DCP1A: variants seen among roughly 807,000 people sequenced by gnomAD.
The protein encoded by DCP1A is mRNA-decapping enzyme 1A.
In DCP1A, 20 loss-of-function variants were observed where a neutral mutation model predicts 58.0. The observed-to-expected ratio is 0.34, with a 90% confidence interval of 0.24 to 0.50. The LOEUF (loss-of-function observed/expected upper bound fraction) is 0.50, where lower values mean the gene tolerates loss of function less well. Ranked by LOEUF, DCP1A falls within the 20% of genes least tolerant of loss-of-function variation. The probability of loss-of-function intolerance (pLI) is 0.98; values close to 1 mark genes in which losing one functional copy is unlikely to be tolerated. For synonymous variants in DCP1A, 285 were observed against 275.1 expected (o/e 1.04, Z -0.36); for missense variants, 613 against 712.2 (o/e 0.86, Z 1.59).
At chr3:53,337,332 C>G (rs2089134270) in intron 3 of DCP1A, among the ~76,000 whole-genome samples, 1 of 152,154 alleles carries the variant, frequency 6.6e-6, no homozygotes, top group South Asian at 2.1e-4. Flanking sequence ...ATATCACAGG[C>G]CTGTGTTATA....
At chr3:53,338,718 G>A (rs554145056) in intron 3 of DCP1A, among the ~76,000 whole-genome samples, 69 of 151,760 alleles carry the variant, frequency 4.5e-4, no homozygotes, top group Middle Eastern at 6.8e-3. Flanking sequence ...AAAATTAGCC[G>A]GGCGTGGTGG....
intron 3 of DCP1A, among the ~76,000 whole-genome samples, chr3:53,337,421 T>C (rs2089135581): frequency 6.6e-6 from 1 of 152,220 alleles, no homozygotes; most frequent in African/African-American, 2.4e-5. Flanking sequence ...TTGTTGAGTC[T>C]AGAATGGAGA....
At chr3:53,305,037 C>T (rs903862677) in intron 5 of DCP1A, among the ~76,000 whole-genome samples, 2 of 152,084 alleles carry the variant, frequency 1.3e-5, no homozygotes, top group Non-Finnish European at 2.9e-5. Context: ...CAGTCATGCC[C>T]TCCCTCCACT....
At chr3:53,309,656 T>C (rs550055559) in intron 5 of DCP1A, among the ~76,000 whole-genome samples, 7 of 152,176 alleles carry the variant, frequency 4.6e-5, no homozygotes, top group African/African-American at 9.6e-5. Flanking sequence ...TCGTGGCTAA[T>C]TGGGAGGCTA....
At chr3:53,289,215 C>A (rs1249371730) in intron 8 of DCP1A, among the ~76,000 whole-genome samples, 1 of 151,094 alleles carries the variant, frequency 6.6e-6, no homozygotes, top group Non-Finnish European at 1.5e-5. Context: ...CCCACCTAGG[C>A]CTCCCAAAGT....
At chr3:53,331,197 T>C (rs2088993096) in intron 3 of DCP1A, among the ~76,000 whole-genome samples, 1 of 152,168 alleles carries the variant, frequency 6.6e-6, no homozygotes, top group African/African-American at 2.4e-5. Context: ...AAGAAAATCA[T>C]TAAATGCCAG....
intron 3 of DCP1A, among the ~76,000 whole-genome samples, chr3:53,322,171 G>A (rs1488628619): frequency 1.3e-5 from 2 of 152,018 alleles, no homozygotes; most frequent in African/African-American, 2.4e-5. Flanking sequence ...TTTCCTTCTC[G>A]GCTGGGCACG....
Position 53,287,537 on chromosome 3 carries a change from T to C in DCP1A, c.*43A>G. Reference sequence around the variant, plus strand: ...AAGTTTCCATGATGAAGCCTATTTGTCTCTGAGGCTGGGGCTCTGCCTTTA... The same window carrying C: ...AAGTTTCCATGATGAAGCCTATTTGCCTCTGAGGCTGGGGCTCTGCCTTTA... On this transcript the variant is annotated 3_prime_UTR_variant, in exon 10 of 10. Transcript: ENST00000610213. The C allele has an allele frequency of 7.3e-7, 1 of 1,367,348 alleles. No homozygotes were observed. Among genetic ancestry groups the C allele is most frequent in the Non-Finnish European group, 1.0e-6 (1 of 957,382 alleles). 84.7% of individuals were successfully genotyped at this position (1,367,348 alleles called of 1,614,324 possible).
rs1399139325 is a variant in DCP1A, at chr3:53,320,397, T to G, written c.305-924A>C. 5.3e-5 allele frequency among the ~76,000 whole-genome samples: 8 copies of G among 152,024 alleles called. No homozygotes were observed. In the East Asian group the frequency reaches 1.5e-3, roughly 29 times the overall value. Reference sequence around the variant, plus strand: ...TTTTGGATAAGGTAGAGTAGAATACTGAACATACAAGCTGAAACAGACACA... The same window carrying G: ...TTTTGGATAAGGTAGAGTAGAATACGGAACATACAAGCTGAAACAGACACA... On this transcript the variant is annotated intron_variant, in intron 3 of 9. Coordinates refer to ENST00000610213, the MANE Select transcript of DCP1A (RefSeq NM_018403.7).
At chr3:53,290,579 C>T in intron 8 of DCP1A, 3 of 649,524 alleles carry the variant, frequency 4.6e-6, no homozygotes, top group Non-Finnish European at 8.2e-6. Context: ...AAGCTGACAA[C>T]CTTTTACTTC....
Position 53,312,478 on chromosome 3 carries a change from C to A in DCP1A, c.372-99G>T, listed in dbSNP as rs192409436. 411 of 873,994 alleles carry A rather than the reference C, an allele frequency of 4.7e-4. 4 individuals carry two copies. Among genetic ancestry groups the A allele is most frequent in the African/African-American group, 4.4e-3 (254 of 58,238 alleles). The allele number at this position is 873,994 out of a possible 1,614,324, so 54.1% of individuals were successfully genotyped here. A position where few individuals can be genotyped will look rare whatever the true frequency, so the allele number is the denominator to read the frequency against. On this transcript the variant is annotated intron_variant, in intron 4 of 9. Coordinates refer to ENST00000610213, the MANE Select transcript of DCP1A (RefSeq NM_018403.7). ...TCTTCCAAGGATACACTAAGAGTGT[C>A]ACATGATGACATTCTTCTTTTTTTT...
At chr3:53,316,523 C>G (rs1707818019) in intron 4 of DCP1A, among the ~76,000 whole-genome samples, 1 of 150,672 alleles carries the variant, frequency 6.6e-6, no homozygotes. Flanking sequence ...CTGGGCCTCA[C>G]AAGTATTATA....
intron 3 of DCP1A, among the ~76,000 whole-genome samples, chr3:53,336,720 G>A (rs547143061): frequency 6.6e-6 from 1 of 152,256 alleles, no homozygotes; most frequent in African/African-American, 2.4e-5. Context: ...TTAATTTTAT[G>A]TTAATTTCTT....
intron 6 of DCP1A, among the ~76,000 whole-genome samples, chr3:53,295,664 C>T (rs1483788321): frequency 1.3e-5 from 2 of 152,086 alleles, no homozygotes; most frequent in African/African-American, 4.8e-5. Flanking sequence ...TTTCATGTAG[C>T]TGGGACCACA....
At chr3:53,316,103 G>A (rs1427136918) in intron 4 of DCP1A, among the ~76,000 whole-genome samples, 1 of 152,102 alleles carries the variant, frequency 6.6e-6, no homozygotes, top group Non-Finnish European at 1.5e-5. Context: ...TATTGTGGCT[G>A]TCAAATAGTG....
chr3:53,334,168 A>G (rs72954817), intron 3 of DCP1A, among the ~76,000 whole-genome samples: 6,635 of 152,142 alleles, frequency 0.044, 478 homozygotes, highest in African/African-American at 0.15. Flanking sequence ...GGAGGCTGAA[A>G]TGGAAGGATC....
intron 3 of DCP1A, among the ~76,000 whole-genome samples, chr3:53,336,544 G>A (rs1303826038): frequency 1.3e-5 from 2 of 152,104 alleles, no homozygotes; most frequent in Admixed American, 6.6e-5. Flanking sequence ...TTTGTTATAT[G>A]CTACCTTTCA....
chr3:53,317,992 A>G (rs184227142), intron 4 of DCP1A, among the ~76,000 whole-genome samples: 5 of 152,346 alleles, frequency 3.3e-5, no homozygotes, highest in Admixed American at 3.3e-4. Flanking sequence ...TTACTTATAT[A>G]TACTTTCATG....
intron 8 of DCP1A, among the ~76,000 whole-genome samples, chr3:53,288,886 G>T (rs771299019): frequency 6.6e-6 from 1 of 152,092 alleles, no homozygotes; most frequent in Non-Finnish European, 1.5e-5. Flanking sequence ...GCATGGTGGC[G>T]TGTGCCTGTA....
Sources: gnomAD v4.1 joint callset for allele counts (sites outside exome capture counted in the v4.1 genomes callset) on GRCh38, gnomAD v4.1.1 for gene constraint, MANE v1.5 for transcripts, NCBI Gene and HGNC (gene_info 2026-07-23, HGNC 2026-07-21) for gene names.